Variants in TSHZ2 observed in about 807,000 individuals in gnomAD.
TSHZ2 encodes teashirt zinc finger homeobox 2.
Under a neutral mutation model 74.4 loss-of-function variants are expected in TSHZ2, and 21 were observed. That is an observed-to-expected ratio of 0.28 (90% confidence interval 0.20 to 0.41). The LOEUF (loss-of-function observed/expected upper bound fraction) is 0.41. Among genes scored for constraint, TSHZ2 ranks in the 10% least tolerant of loss-of-function variants. The pLI is 1.00. For missense variants in TSHZ2, 1,244 were observed against 1,293.5 expected (o/e 0.96, Z 0.59); for synonymous variants, 540 against 515.3 (o/e 1.05, Z -0.65).
chr20:53,016,105 G>T (rs1184029309), intron 1 of TSHZ2, among the ~76,000 whole-genome samples: 1 of 152,170 alleles, frequency 6.6e-6, no homozygotes, highest in Admixed American at 6.5e-5. Flanking sequence ...TGAGGGCCAT[G>T]CAGGATGACT....
intron 2 of TSHZ2, among the ~76,000 whole-genome samples, chr20:53,387,876 A>C (rs969173930): frequency 3.2e-4 from 48 of 152,150 alleles, no homozygotes; most frequent in Admixed American, 3.1e-3. Flanking sequence ...GTGAAACCCT[A>C]TCTCTACTAA....
At chr20:53,093,098 C>G (rs904420433) in intron 1 of TSHZ2, among the ~76,000 whole-genome samples, 1 of 152,196 alleles carries the variant, frequency 6.6e-6, no homozygotes, top group Admixed American at 6.5e-5. Flanking sequence ...TGATACTTAC[C>G]AGCTGTGGGT....
intron 1 of TSHZ2, among the ~76,000 whole-genome samples, chr20:53,027,578 C>T (rs912649015): frequency 6.6e-6 from 1 of 151,994 alleles, no homozygotes; most frequent in South Asian, 2.1e-4. Flanking sequence ...AAAGACGCTG[C>T]GTTCAAGGTA....
At chr20:53,299,616 A>G (rs1197869916) in intron 2 of TSHZ2, among the ~76,000 whole-genome samples, 1 of 152,232 alleles carries the variant, frequency 6.6e-6, no homozygotes, top group African/African-American at 2.4e-5. Flanking sequence ...CTAAATAATT[A>G]GTCAATATGG....
At chr20:53,407,371 A>G (rs1568904038) in intron 2 of TSHZ2, among the ~76,000 whole-genome samples, 1 of 152,260 alleles carries the variant, frequency 6.6e-6, no homozygotes, top group East Asian at 1.9e-4. Flanking sequence ...CATTCCTATC[A>G]CAAGTGGCTC....
chr20:53,208,048 G>A (rs2123601473), intron 1 of TSHZ2, among the ~76,000 whole-genome samples: 1 of 151,840 alleles, frequency 6.6e-6, no homozygotes, highest in Non-Finnish European at 1.5e-5. Flanking sequence ...GGAGAATCAA[G>A]TCAAAAAATC....
At chr20:53,380,824 C>G (rs1012528633) in intron 2 of TSHZ2, among the ~76,000 whole-genome samples, 4 of 152,162 alleles carry the variant, frequency 2.6e-5, no homozygotes, top group African/African-American at 9.7e-5. Context: ...TTGTGTACAT[C>G]TCATTTTTAA....
chr20:53,227,612 A>T (rs1281651396), intron 1 of TSHZ2, among the ~76,000 whole-genome samples: 4 of 152,008 alleles, frequency 2.6e-5, no homozygotes, highest in African/African-American at 4.8e-5. Context: ...CTGAAGGGTA[A>T]TTTTTTTTAG....
chr20:53,276,481 G>C (rs1211648322), intron 2 of TSHZ2, among the ~76,000 whole-genome samples: 4 of 152,012 alleles, frequency 2.6e-5, no homozygotes, highest in Admixed American at 2.0e-4. Flanking sequence ...AGGCTGCCTG[G>C]GTTTAAATTT....
rs368493263 is a variant in TSHZ2, at chr20:53,188,112, C to T, written c.41-65387C>T. Among the ~76,000 whole-genome samples the T allele has an allele frequency of 3.5e-4, 54 of 152,284 alleles. No individual in the cohort carries two copies. In the South Asian group the frequency reaches 0.011, roughly 31 times the overall value. ...CAGGACAAATAGCAGTAGTTTTGTGCCCACAGTTCCCTTCTCAAAATTCAT... is the reference window on the plus strand; with the variant it reads ...CAGGACAAATAGCAGTAGTTTTGTGTCCACAGTTCCCTTCTCAAAATTCAT... On this transcript the variant is annotated intron_variant, in intron 1 of 2. Coordinates refer to ENST00000371497, the MANE Select transcript of TSHZ2 (RefSeq NM_173485.6).
intron 1 of TSHZ2, among the ~76,000 whole-genome samples, chr20:53,187,592 C>T (rs1170608638): frequency 6.6e-6 from 1 of 152,088 alleles, no homozygotes; most frequent in East Asian, 1.9e-4. Context: ...AGCAGAACAG[C>T]TGTGGGATTT....
chr20:53,038,422 C>G (rs1297464078), intron 1 of TSHZ2, among the ~76,000 whole-genome samples: 1 of 152,018 alleles, frequency 6.6e-6, no homozygotes, highest in Non-Finnish European at 1.5e-5. Context: ...TACGGCCTGT[C>G]TACTCCTACC....
intron 2 of TSHZ2, among the ~76,000 whole-genome samples, chr20:53,471,888 C>T (rs922576270): frequency 2.0e-5 from 3 of 150,734 alleles, no homozygotes; most frequent in Admixed American, 1.3e-4. Flanking sequence ...CTCACTACGA[C>T]CTCCATCTCC....
intron 1 of TSHZ2, among the ~76,000 whole-genome samples, chr20:53,163,671 C>T (rs1444618968): frequency 1.3e-5 from 2 of 151,906 alleles, no homozygotes; most frequent in African/African-American, 2.4e-5. Flanking sequence ...ATACTGAAGG[C>T]GTCACTAGGC....
intron 1 of TSHZ2, among the ~76,000 whole-genome samples, chr20:53,236,898 G>C (rs1989952277): frequency 6.6e-6 from 1 of 152,136 alleles, no homozygotes; most frequent in African/African-American, 2.4e-5. Context: ...GAACAGCACA[G>C]GGGAACTGCC....
intron 1 of TSHZ2, among the ~76,000 whole-genome samples, chr20:53,226,116 T>C: frequency 7.2e-6 from 1 of 139,026 alleles, no homozygotes; most frequent in Non-Finnish European, 1.5e-5. Flanking sequence ...ACAGACTAAA[T>C]TTAACACACA....
chr20:53,171,934 G>A (rs1822844394), intron 1 of TSHZ2, among the ~76,000 whole-genome samples: 1 of 152,096 alleles, frequency 6.6e-6, no homozygotes, highest in Admixed American at 6.5e-5. Flanking sequence ...TTTATAGGTA[G>A]AGTAATAAGT....
chr20:53,058,776 AT>A (rs1984726978), intron 1 of TSHZ2, among the ~76,000 whole-genome samples: 2 of 152,186 alleles, frequency 1.3e-5, no homozygotes, highest in Non-Finnish European at 1.5e-5. Context: ...TTACTTTGTC[AT>A]TTTCCCTTTC....
At chr20:53,213,387 C>T (rs1989357540) in intron 1 of TSHZ2, among the ~76,000 whole-genome samples, 1 of 152,162 alleles carries the variant, frequency 6.6e-6, no homozygotes, top group Non-Finnish European at 1.5e-5. Context: ...GCTGCTGCAC[C>T]TGGATGCTTC....
Sources: allele counts gnomAD v4.1 joint callset (sites outside exome capture counted in the v4.1 genomes callset), GRCh38; gene constraint gnomAD v4.1.1; transcripts MANE v1.5; gene names NCBI Gene and HGNC (gene_info 2026-07-23, HGNC 2026-07-21).